The following CEP85L variants were observed in gnomAD, a reference collection of about 807,000 sequenced individuals.
CEP85L encodes centrosomal protein of 85 kDa-like.
CEP85L carries 60 observed loss-of-function variants against 100.3 expected under a neutral mutation model. The observed-to-expected ratio is 0.60, with a 90% CI of 0.49 to 0.74. The LOEUF is 0.74. Ranked by LOEUF, CEP85L falls within the 30% of genes least tolerant of loss-of-function variation. The probability of loss-of-function intolerance (pLI) is 0.00; values close to 1 mark genes in which losing one functional copy is unlikely to be tolerated. For missense variants in CEP85L, 973 were observed against 936.2 expected (o/e 1.04, Z -0.51); for synonymous variants, 319 against 322.7 (o/e 0.99, Z 0.12).
intron 1 of CEP85L, among the ~76,000 whole-genome samples, chr6:118,697,273 T>C (rs1397116983): frequency 1.3e-5 from 2 of 152,178 alleles, no homozygotes; most frequent in Non-Finnish European, 2.9e-5. Flanking sequence ...TGACAACCAA[T>C]GTTGTCACAC....
chr6:118,564,066 T>C (rs1437096173), intron 3 of CEP85L, among the ~76,000 whole-genome samples: 1 of 152,200 alleles, frequency 6.6e-6, no homozygotes, highest in African/African-American at 2.4e-5. Context: ...CTCTCTACTA[T>C]GCACTAGAAA....
rs528586235 is a variant in CEP85L, at chr6:118,580,296, C to A, written c.233-13980G>T. The stretch of plus-strand genomic sequence containing the variant: ...TTTAAACTGGCGTGAGAAAAGGACC[C>A]TGGTATTCCCCTCCAGTCATCAGAG... On this transcript the variant is annotated intron_variant, in intron 2 of 12. Transcript: ENST00000368491. Among the ~76,000 whole-genome samples, 7 of 152,308 alleles carry A rather than the reference C, an allele frequency of 4.6e-5. No homozygotes were observed. In the South Asian group the frequency reaches 1.5e-3, roughly 32 times the overall value.
At chr6:118,668,113 C>A (rs1193260218) in intron 1 of CEP85L, among the ~76,000 whole-genome samples, 1 of 152,160 alleles carries the variant, frequency 6.6e-6, no homozygotes, top group Non-Finnish European at 1.5e-5. Context: ...AAATTCCAAT[C>A]TTCTGACTTT....
intron 2 of CEP85L, among the ~76,000 whole-genome samples, chr6:118,618,029 G>A (rs1217732634): frequency 6.6e-6 from 1 of 152,122 alleles, no homozygotes; most frequent in Non-Finnish European, 1.5e-5. Context: ...TTGGAGTTGG[G>A]AGCACTGGTT....
chr6:118,470,585 C>G lies in CEP85L; in HGVS notation c.1974G>C (p.Leu658=). Residue 658 remains leucine (L), a synonymous_variant, in exon 11 of 13, where the codon CTG becomes CTC. Transcript: ENST00000368491. ...KLTTQKMMEE[L]EKKERNVQRL... ...TCTGTACATTTCTTTCTTTCTTTTC[C>G]AGCTCTTCCATCATCTTTTGAGTGG... 1 of 1,604,364 alleles carries G rather than the reference C, an allele frequency of 6.2e-7. No homozygotes were observed. Among genetic ancestry groups the G allele is most frequent in the Non-Finnish European group, 8.5e-7 (1 of 1,175,224 alleles).
chr6:118,569,341 C>CAAAAAAAAAAAAAAAAAAAAAAAAA (rs56123225), intron 2 of CEP85L, among the ~76,000 whole-genome samples: 12 of 68,214 alleles, frequency 1.8e-4, no homozygotes, highest in African/African-American at 6.0e-4. Context: ...GACTCTGTCT[C>CAAAAAAAAAAAAAAAAAAAAAAAAA]AAAAAAAAAA....
At chr6:118,620,810 C>T (rs1773386827) in intron 2 of CEP85L, among the ~76,000 whole-genome samples, 1 of 152,204 alleles carries the variant, frequency 6.6e-6, no homozygotes. Flanking sequence ...AGCCTGTAAC[C>T]AGGTATTTCT....
At chr6:118,612,588 G>A (rs566231969) in intron 2 of CEP85L, among the ~76,000 whole-genome samples, 221 of 146,792 alleles carry the variant, frequency 1.5e-3, no homozygotes, top group Admixed American at 3.7e-3. Context: ...TGTGAACCAG[G>A]AGGCGGAGCT....
chr6:118,670,634 T>C (rs1345268287), intron 1 of CEP85L, among the ~76,000 whole-genome samples: 4 of 152,136 alleles, frequency 2.6e-5, no homozygotes, highest in African/African-American at 7.2e-5. Context: ...GGTTCAAGAA[T>C]GAGGAAAGGG....
At chr6:118,535,734 G>C (rs1487079599) in intron 3 of CEP85L, among the ~76,000 whole-genome samples, 2 of 152,116 alleles carry the variant, frequency 1.3e-5, no homozygotes, top group Non-Finnish European at 2.9e-5. Context: ...CGCAGTATTT[G>C]TGTTCCAGTA....
At chr6:118,502,226 A>G (rs972919003) in intron 5 of CEP85L, 19 of 665,246 alleles carry the variant, frequency 2.9e-5, no homozygotes, top group Non-Finnish European at 4.8e-5. Flanking sequence ...TGGAGTTCTT[A>G]TGTACCGCAT....
intron 1 of CEP85L, among the ~76,000 whole-genome samples, chr6:118,681,374 A>G (rs1257702361): frequency 6.6e-6 from 1 of 152,168 alleles, no homozygotes; most frequent in Non-Finnish European, 1.5e-5. Context: ...CCCTAGAAGA[A>G]CTAGAGAGAG....
At chr6:118,614,849 T>TAGACAGACAGACAGACAGACAGACAGAC (rs61384909) in intron 2 of CEP85L, among the ~76,000 whole-genome samples, 10 of 146,624 alleles carry the variant, frequency 6.8e-5, no homozygotes, top group African/African-American at 2.3e-4. Flanking sequence ...CATTCATTCA[T>TAGACAGACAGACAGACAGACAGACAGAC]AGACAGACAG....
intron 2 of CEP85L, among the ~76,000 whole-genome samples, chr6:118,631,330 G>C (rs147838473): frequency 1.5e-3 from 236 of 152,258 alleles, no homozygotes; most frequent in African/African-American, 5.3e-3. Context: ...CTAAGTGGTA[G>C]CAAAGATAAA....
chr6:118,597,410 T>C (rs1023966851), intron 2 of CEP85L, among the ~76,000 whole-genome samples: 1 of 152,118 alleles, frequency 6.6e-6, no homozygotes, highest in African/African-American at 2.4e-5. Context: ...TAATAAAAAA[T>C]TGTTGGGGAA....
chr6:118,542,900 C>CAAAAAAAAAAA lies in CEP85L; in HGVS notation c.1021-18991_1021-18981dup, dbSNP rs71012391. Among the ~76,000 whole-genome samples the CAAAAAAAAAAA allele has an allele frequency of 4.0e-4, 27 of 67,160 alleles. 3 individuals carry two copies. Among genetic ancestry groups the CAAAAAAAAAAA allele is most frequent in the South Asian group, 6.6e-4 (1 of 1,514 alleles). The allele number at this position is 67,160 out of a possible 152,430, so 44.1% of individuals were successfully genotyped here. A position where few individuals can be genotyped will look rare whatever the true frequency, so the allele number is the denominator to read the frequency against. On this transcript the variant is annotated intron_variant, in intron 3 of 12. Transcript: ENST00000368491. ...GAACTTCAACATCACCAAGTTTTCC[C>CAAAAAAAAAAA]AAAAAAAAAAAAAAAAAAAAAAACA...
intron 1 of CEP85L, among the ~76,000 whole-genome samples, chr6:118,633,589 T>C (rs903813663): frequency 5.3e-5 from 8 of 152,216 alleles, no homozygotes; most frequent in Non-Finnish European, 1.0e-4. Flanking sequence ...TTACTCACTT[T>C]TACTTAACTT....
chr6:118,646,092 C>T (rs1304003972), intron 1 of CEP85L, among the ~76,000 whole-genome samples: 3 of 90,206 alleles, frequency 3.3e-5, no homozygotes, highest in Non-Finnish European at 7.0e-5. Flanking sequence ...TGGCACACGC[C>T]CGTAGTCCCA....
At chr6:118,525,796 TA>T (rs1776929273) in intron 3 of CEP85L, among the ~76,000 whole-genome samples, 2 of 152,226 alleles carry the variant, frequency 1.3e-5, no homozygotes, top group African/African-American at 4.8e-5. Context: ...GTATAACTGG[TA>T]AATCAAATAG....
Sources: gnomAD v4.1 joint callset for allele counts (sites outside exome capture counted in the v4.1 genomes callset) on GRCh38, gnomAD v4.1.1 for gene constraint, MANE v1.5 for transcripts, NCBI Gene and HGNC (gene_info 2026-07-23, HGNC 2026-07-21) for gene names.